ERC2: variants seen among roughly 807,000 people sequenced by gnomAD.
The protein encoded by ERC2 is ERC protein 2.
Under a neutral mutation model 114.8 loss-of-function variants are expected in ERC2, and 42 were observed. The ratio of observed to expected loss-of-function variants is 0.37; its 90% CI spans 0.29 to 0.47. The LOEUF (loss-of-function observed/expected upper bound fraction) is 0.47. ERC2 is among the 20% of genes least tolerant of loss of function. The pLI is 0.99. For synonymous variants in ERC2, 454 were observed against 425.5 expected, an observed-to-expected ratio of 1.07 and a Z score of -0.82; for missense variants, 939 against 1,150.7, an observed-to-expected ratio of 0.82 and a Z score of 2.66.
At chr3:55,633,259 G>C (rs1353075823) in intron 17 of ERC2, among the ~76,000 whole-genome samples, 1 of 152,194 alleles carries the variant, frequency 6.6e-6, no homozygotes, top group Non-Finnish European at 1.5e-5. Context: ...AAGAGTACCT[G>C]ACATAGAGAA....
chr3:55,628,126 A>G (rs1404817036), intron 17 of ERC2, among the ~76,000 whole-genome samples: 1 of 152,184 alleles, frequency 6.6e-6, no homozygotes, highest in Non-Finnish European at 1.5e-5. Context: ...TTTCTTCCCA[A>G]GGAAGCATTT....
intron 3 of ERC2, among the ~76,000 whole-genome samples, chr3:56,261,159 A>G (rs1344299358): frequency 6.6e-6 from 1 of 152,090 alleles, no homozygotes; most frequent in Non-Finnish European, 1.5e-5. Context: ...TCTCTTTCCC[A>G]ACCCTCTTCT....
intron 17 of ERC2, among the ~76,000 whole-genome samples, chr3:55,660,226 C>T (rs2061064904): frequency 6.6e-6 from 1 of 152,230 alleles, no homozygotes; most frequent in Admixed American, 6.5e-5. Flanking sequence ...CATCAACCCG[C>T]ACCCCCACCT....
At chr3:55,580,271 G>A (rs2057194177) in intron 17 of ERC2, among the ~76,000 whole-genome samples, 1 of 150,758 alleles carries the variant, frequency 6.6e-6, no homozygotes, top group Non-Finnish European at 1.5e-5. Context: ...GAATCCTACT[G>A]AGTTCAATTT....
intron 14 of ERC2, among the ~76,000 whole-genome samples, chr3:55,863,157 A>T (rs563842880): frequency 3.9e-5 from 6 of 151,926 alleles, no homozygotes; most frequent in African/African-American, 1.4e-4. Flanking sequence ...CAGGAGACTG[A>T]CATTTTTCTC....
At chr3:55,680,739 T>C (rs1297054215) in intron 17 of ERC2, among the ~76,000 whole-genome samples, 3 of 152,118 alleles carry the variant, frequency 2.0e-5, no homozygotes, top group East Asian at 3.9e-4. Flanking sequence ...GTGGAGTCTC[T>C]AGAAGAAACC....
intron 15 of ERC2, among the ~76,000 whole-genome samples, chr3:55,720,124 CTTCTTCCTCTTCTTCTTCCTCTT>C (rs2064385824): frequency 9.9e-5 from 2 of 20,150 alleles, no homozygotes; most frequent in Admixed American, 5.2e-4. Context: ...CCTCCTCCTT[CTTCTTCCTCTTCTTCTTCCTCTT>C]CTTCTTCTTC....
At chr3:56,185,419 TTCTC>T (rs2083533338) in intron 3 of ERC2, among the ~76,000 whole-genome samples, 3 of 152,232 alleles carry the variant, frequency 2.0e-5, no homozygotes. Context: ...GATAACTTGT[TTCTC>T]TCATTTTGCA....
At chr3:55,875,242 C>A (rs1394041691) in intron 14 of ERC2, among the ~76,000 whole-genome samples, 1 of 152,162 alleles carries the variant, frequency 6.6e-6, no homozygotes, top group African/African-American at 2.4e-5. Flanking sequence ...GAAAGAAGCT[C>A]CAAGCTCAGG....
chr3:56,244,661 T>C (rs1292253128), intron 3 of ERC2, among the ~76,000 whole-genome samples: 1 of 152,166 alleles, frequency 6.6e-6, no homozygotes, highest in Admixed American at 6.5e-5. Context: ...AAAGTAAGAA[T>C]ATAAGGAAAA....
chr3:55,896,157 T>C (rs574181299), intron 13 of ERC2, among the ~76,000 whole-genome samples: 1 of 152,350 alleles, frequency 6.6e-6, no homozygotes, highest in South Asian at 2.1e-4. Context: ...ATCTCCCACA[T>C]GCCAGGCACT....
intron 2 of ERC2, among the ~76,000 whole-genome samples, chr3:56,399,397 T>C: frequency 6.6e-6 from 1 of 152,200 alleles, no homozygotes; most frequent in South Asian, 2.1e-4. Context: ...AAAACACCTT[T>C]GAAATTCACA....
intron 17 of ERC2, among the ~76,000 whole-genome samples, chr3:55,541,352 G>C (rs1254678388): frequency 6.6e-6 from 1 of 152,154 alleles, no homozygotes; most frequent in Admixed American, 6.5e-5. Flanking sequence ...CTCCCCCTTA[G>C]GTCCCAGAAA....
chr3:56,210,622 A>G (rs2049000491), intron 3 of ERC2, among the ~76,000 whole-genome samples: 1 of 152,210 alleles, frequency 6.6e-6, no homozygotes, highest in Admixed American at 6.5e-5. Flanking sequence ...AAAAATCTCC[A>G]TTAAATGCAG....
At chr3:56,178,584 A>G (rs1402020102) in intron 3 of ERC2, among the ~76,000 whole-genome samples, 1 of 152,222 alleles carries the variant, frequency 6.6e-6, no homozygotes, top group Non-Finnish European at 1.5e-5. Context: ...ACCAACACCA[A>G]TTGGAGGAAT....
intron 3 of ERC2, among the ~76,000 whole-genome samples, chr3:56,248,112 CAG>C (rs1241143891): frequency 6.6e-6 from 1 of 152,076 alleles, no homozygotes; most frequent in East Asian, 1.9e-4. Context: ...GTTTTAGAGA[CAG>C]AGTCTTGCTC....
intron 14 of ERC2, among the ~76,000 whole-genome samples, chr3:55,806,912 A>T (rs779968500): frequency 6.6e-6 from 1 of 152,168 alleles, no homozygotes; most frequent in Non-Finnish European, 1.5e-5. Context: ...TCACTCCTTC[A>T]TTCAGCAGGT....
At chr3:55,927,757 AC>A (rs981223326) in intron 13 of ERC2, among the ~76,000 whole-genome samples, 3 of 152,002 alleles carry the variant, frequency 2.0e-5, no homozygotes, top group Admixed American at 6.6e-5. Context: ...CAACCCCAGT[AC>A]CCTTCCCAGC....
At chr3:55,533,757 T>G (rs1269605071) in intron 17 of ERC2, among the ~76,000 whole-genome samples, 1 of 152,194 alleles carries the variant, frequency 6.6e-6, no homozygotes, top group Non-Finnish European at 1.5e-5. Context: ...GACCCGCTCC[T>G]TGCTCTCCTG....
Sources: allele counts gnomAD v4.1 joint callset (sites outside exome capture counted in the v4.1 genomes callset), GRCh38; gene constraint gnomAD v4.1.1; transcripts MANE v1.5; gene names NCBI Gene and HGNC (gene_info 2026-07-23, HGNC 2026-07-21).